RCAN2: variants seen among roughly 807,000 people sequenced by gnomAD.
RCAN2 encodes calcipressin-2.
Under a neutral mutation model 23.6 loss-of-function variants are expected in RCAN2, and 9 were observed. That is an observed-to-expected ratio of 0.38 (90% CI 0.23 to 0.67). The LOEUF is 0.67. Ranked by LOEUF, RCAN2 falls within the 30% of genes least tolerant of loss-of-function variation. RCAN2 has a pLI of 0.51. For missense variants in RCAN2, 273 were observed against 302.3 expected, an observed-to-expected ratio of 0.90 and a Z score of 0.72; for synonymous variants, 109 against 115.7, an observed-to-expected ratio of 0.94 and a Z score of 0.37.
chr6:46,410,664 C>T (rs1367797792), intron 2 of RCAN2, among the ~76,000 whole-genome samples: 1 of 152,148 alleles, frequency 6.6e-6, no homozygotes, highest in Non-Finnish European at 1.5e-5. Context: ...AGGCGAGGTT[C>T]CAGATTAGAA....
At chr6:46,296,934 G>T (rs544389997) in intron 2 of RCAN2, among the ~76,000 whole-genome samples, 1 of 152,088 alleles carries the variant, frequency 6.6e-6, no homozygotes, top group East Asian at 1.9e-4. Context: ...AGGCCTTCAA[G>T]AGGTCAGGTC....
chr6:46,405,021 G>A (rs533312169), intron 2 of RCAN2, among the ~76,000 whole-genome samples: 7 of 152,292 alleles, frequency 4.6e-5, no homozygotes, highest in East Asian at 1.9e-4. Flanking sequence ...ATCTTATAAC[G>A]GGTTGGGGAA....
At chr6:46,274,138 G>A (rs1767611355) in intron 2 of RCAN2, among the ~76,000 whole-genome samples, 1 of 152,160 alleles carries the variant, frequency 6.6e-6, no homozygotes, top group South Asian at 2.1e-4. Flanking sequence ...TTAACACAAA[G>A]CTTACTTAAG....
chr6:46,480,727 G>C (rs899483124), intron 1 of RCAN2, among the ~76,000 whole-genome samples: 1 of 151,956 alleles, frequency 6.6e-6, no homozygotes, highest in African/African-American at 2.4e-5. Flanking sequence ...CTGGGTTCAC[G>C]CCATTCTCTT....
chr6:46,453,183 A>C (rs1767928231), intron 2 of RCAN2, among the ~76,000 whole-genome samples: 1 of 152,230 alleles, frequency 6.6e-6, no homozygotes, highest in Admixed American at 6.5e-5. Context: ...AGTGCTCTGA[A>C]GAGAAATGTA....
chr6:46,278,949 G>T (rs1395710197), intron 2 of RCAN2, among the ~76,000 whole-genome samples: 2 of 152,064 alleles, frequency 1.3e-5, no homozygotes, highest in Non-Finnish European at 2.9e-5. Context: ...CTCAATCTTG[G>T]CTATGCGTTG....
chr6:46,390,119 C>T (rs930486877), intron 2 of RCAN2, among the ~76,000 whole-genome samples: 3 of 151,638 alleles, frequency 2.0e-5, no homozygotes, highest in Non-Finnish European at 4.4e-5. Flanking sequence ...TGCATGATGT[C>T]ACAAGCAAGA....
intron 4 of RCAN2, among the ~76,000 whole-genome samples, chr6:46,228,519 C>G (rs546319678): frequency 1.3e-5 from 2 of 152,186 alleles, no homozygotes; most frequent in South Asian, 4.2e-4. Context: ...ATCCCTTTAC[C>G]ATTATGTAAT....
chr6:46,371,475 C>T (rs1439568321), intron 2 of RCAN2, among the ~76,000 whole-genome samples: 1 of 152,180 alleles, frequency 6.6e-6, no homozygotes, highest in Non-Finnish European at 1.5e-5. Flanking sequence ...CACCCAACAT[C>T]ATGAGCAACT....
intron 2 of RCAN2, among the ~76,000 whole-genome samples, chr6:46,261,870 C>A (rs996296898): frequency 2.6e-5 from 4 of 152,158 alleles, no homozygotes; most frequent in Non-Finnish European, 5.9e-5. Context: ...AGGAGGAAAT[C>A]AACTGGGTAA....
chr6:46,394,161 C>A (rs1290742208), intron 2 of RCAN2, among the ~76,000 whole-genome samples: 1 of 152,200 alleles, frequency 6.6e-6, no homozygotes, highest in Non-Finnish European at 1.5e-5. Flanking sequence ...TAATGCTTCT[C>A]TCCTTTAGTA....
At chr6:46,278,289 T>C (rs1767780331) in intron 2 of RCAN2, among the ~76,000 whole-genome samples, 1 of 152,068 alleles carries the variant, frequency 6.6e-6, no homozygotes, top group African/African-American at 2.4e-5. Context: ...AATAGAGTAA[T>C]ACAAAGAATT....
intron 2 of RCAN2, among the ~76,000 whole-genome samples, chr6:46,369,613 T>A (rs935915887): frequency 1.3e-5 from 2 of 152,204 alleles, no homozygotes; most frequent in African/African-American, 4.8e-5. Flanking sequence ...AATGTCATTA[T>A]GGAGCACATG....
intron 1 of RCAN2, among the ~76,000 whole-genome samples, chr6:46,460,832 C>A (rs73454988): frequency 0.086 from 13,124 of 152,190 alleles, 1,287 homozygotes; most frequent in African/African-American, 0.24. Flanking sequence ...TAATGTCCAA[C>A]TTAAAATGTA....
intron 2 of RCAN2, among the ~76,000 whole-genome samples, chr6:46,454,940 C>A (rs1281795557): frequency 6.6e-6 from 1 of 152,150 alleles, no homozygotes; most frequent in African/African-American, 2.4e-5. Flanking sequence ...GAGATTAGCA[C>A]CTTCCTAGGC....
At chr6:46,246,167 A>G (rs1766504800) in intron 4 of RCAN2, among the ~76,000 whole-genome samples, 1 of 152,240 alleles carries the variant, frequency 6.6e-6, no homozygotes, top group South Asian at 2.1e-4. Context: ...GTAGATTCAT[A>G]TTTTAGAATG....
chr6:46,268,644 A>T (rs2150331618), intron 2 of RCAN2, among the ~76,000 whole-genome samples: 1 of 152,332 alleles, frequency 6.6e-6, no homozygotes, highest in Middle Eastern at 3.4e-3. Context: ...CTAGACTGAT[A>T]GTTTGACTTA....
intron 4 of RCAN2, among the ~76,000 whole-genome samples, chr6:46,246,210 AC>A (rs1452878697): frequency 5.3e-5 from 8 of 152,206 alleles, no homozygotes; most frequent in African/African-American, 1.9e-4. Context: ...AATCAGAGCT[AC>A]ATATGCCAAC....
rs75140134 is a variant in RCAN2, at chr6:46,223,614, C to T, written c.572-313G>A. ...GGTGGCGAGGACTGGATGGACTTGG[C>T]AGTTAGTCGTATTAGTTTCTCTTCT... On this transcript the variant is annotated intron_variant, in intron 4 of 4. Coordinates refer to ENST00000371374, the MANE Select transcript of RCAN2 (RefSeq NM_001251974.2). Among the ~76,000 whole-genome samples the T allele has an allele frequency of 1.9e-3, 289 of 152,304 alleles. 1 individual carries two copies. Among genetic ancestry groups the T allele is most frequent in the African/African-American group, 6.7e-3 (280 of 41,578 alleles).
Sources: gnomAD v4.1 joint callset for allele counts (sites outside exome capture counted in the v4.1 genomes callset) on GRCh38, gnomAD v4.1.1 for gene constraint, MANE v1.5 for transcripts, NCBI Gene and HGNC (gene_info 2026-07-23, HGNC 2026-07-21) for gene names.